Variants in CNTN3 observed in about 807,000 individuals in gnomAD.
CNTN3 encodes contactin 3, also known as contactin-3.
CNTN3 carries 60 observed loss-of-function variants against 119.1 expected under a neutral mutation model. The ratio of observed to expected loss-of-function variants is 0.50; its 90% CI spans 0.41 to 0.62. CNTN3 has a LOEUF of 0.62. Among genes scored for constraint, CNTN3 ranks in the 20% least tolerant of loss-of-function variants. The pLI, the probability that CNTN3 is intolerant of heterozygous loss-of-function variation, is 0.00. For missense variants in CNTN3, 1,101 were observed against 1,242.4 expected (o/e 0.89, Z 1.71); for synonymous variants, 450 against 438.7 (o/e 1.03, Z -0.32).
chr3:74,512,692 C>CAACAAAAAAA (rs1703387965), intron 2 of CNTN3, among the ~76,000 whole-genome samples: 1 of 85,260 alleles, frequency 1.2e-5, no homozygotes, highest in Non-Finnish European at 2.1e-5. Context: ...CATAATCAAG[C>CAACAAAAAAA]AAAAAAAAAA....
At position 74,499,844 on chromosome 3, in the gene CNTN3, A is replaced by G. The variant is rs935533968; in HGVS notation, c.56-59T>C. On this transcript the variant is annotated intron_variant, in intron 2 of 22. Coordinates refer to ENST00000263665, the MANE Select transcript of CNTN3 (RefSeq NM_020872.3). ...TCAGTAAAAGGCATTGTAAAAAGTT[A>G]CATTCCAGTATTGAAGAAAACAAGG... The G allele has an allele frequency of 7.3e-6, 11 of 1,507,832 alleles. 1 individual carries two copies. In the African/African-American group the frequency reaches 1.5e-4, roughly 21 times the overall value. 93.4% of individuals were successfully genotyped at this position (1,507,832 alleles called of 1,614,324 possible).
At chr3:74,342,541 C>T (rs982809562) in intron 11 of CNTN3, among the ~76,000 whole-genome samples, 19 of 152,100 alleles carry the variant, frequency 1.2e-4, no homozygotes, top group African/African-American at 4.6e-4. Context: ...ATGGAACAGA[C>T]ACCTAGAGAA....
chr3:74,326,115 G>A (rs1335022244), intron 13 of CNTN3, among the ~76,000 whole-genome samples: 8 of 152,044 alleles, frequency 5.3e-5, no homozygotes, highest in African/African-American at 1.2e-4. Flanking sequence ...ACTATTTCAT[G>A]TTTCTTTCCC....
chr3:74,430,145 T>C (rs953787441), intron 4 of CNTN3, among the ~76,000 whole-genome samples: 1 of 152,210 alleles, frequency 6.6e-6, no homozygotes, highest in African/African-American at 2.4e-5. Context: ...TTTGGGCATT[T>C]ATCCTAGAGA....
chr3:74,450,454 C>A (rs558187474), intron 4 of CNTN3, among the ~76,000 whole-genome samples: 1 of 150,788 alleles, frequency 6.6e-6, no homozygotes, highest in Non-Finnish European at 1.5e-5. Context: ...AAAAAGGCTG[C>A]AAACAACCTA....
At chr3:74,609,523 C>G (rs887049136) in intron 1 of CNTN3, among the ~76,000 whole-genome samples, 2 of 152,154 alleles carry the variant, frequency 1.3e-5, no homozygotes, top group South Asian at 4.1e-4. Context: ...AAAGGAAGAA[C>G]AGACCACCTA....
intron 4 of CNTN3, among the ~76,000 whole-genome samples, chr3:74,428,584 A>G (rs1008455943): frequency 1.3e-5 from 2 of 152,246 alleles, no homozygotes; most frequent in Non-Finnish European, 1.5e-5. Flanking sequence ...GCTAAGTGTT[A>G]TTATGGGTCA....
intron 5 of CNTN3, among the ~76,000 whole-genome samples, chr3:74,386,874 A>T (rs1432730308): frequency 2.0e-5 from 3 of 152,194 alleles, no homozygotes; most frequent in Non-Finnish European, 4.4e-5. Flanking sequence ...CTCAGAGGGT[A>T]TCCTGCAAAG....
intron 4 of CNTN3, among the ~76,000 whole-genome samples, chr3:74,425,858 T>C (rs980626129): frequency 1.3e-5 from 2 of 152,148 alleles, no homozygotes; most frequent in African/African-American, 2.4e-5. Flanking sequence ...AGATATATTG[T>C]CACTGAAAAT....
chr3:74,414,203 T>A (rs938934674), intron 5 of CNTN3, among the ~76,000 whole-genome samples: 2 of 152,306 alleles, frequency 1.3e-5, no homozygotes, highest in African/African-American at 4.8e-5. Context: ...AAAGTTTTTT[T>A]AAAATTATCC....
chr3:74,314,794 A>G (rs948703452), intron 13 of CNTN3, among the ~76,000 whole-genome samples: 1 of 152,204 alleles, frequency 6.6e-6, no homozygotes, highest in Non-Finnish European at 1.5e-5. Context: ...CCTTCAATCA[A>G]TTGTATATAA....
At chr3:74,339,481 T>C (rs1435588104) in intron 11 of CNTN3, among the ~76,000 whole-genome samples, 1 of 152,188 alleles carries the variant, frequency 6.6e-6, no homozygotes, top group Non-Finnish European at 1.5e-5. Context: ...CTTTACTTAC[T>C]TTCCTGAAAC....
rs117988206 is a variant in CNTN3, at chr3:74,607,466, T to C, written c.-81+6925A>G. 9.8e-5 allele frequency among the ~76,000 whole-genome samples: 15 copies of C among 152,332 alleles called. No homozygotes were observed. In the East Asian group the frequency reaches 2.3e-3, roughly 24 times the overall value. On this transcript the variant is annotated intron_variant, in intron 1 of 22. Coordinates refer to ENST00000263665, the MANE Select transcript of CNTN3 (RefSeq NM_020872.3). ...AACTGCGATTGAGTTAGAACCTGCATGAAGCATTCAGTTGGGGCCCTGCCC... is the reference window on the plus strand; with the variant it reads ...AACTGCGATTGAGTTAGAACCTGCACGAAGCATTCAGTTGGGGCCCTGCCC...
intron 16 of CNTN3, among the ~76,000 whole-genome samples, chr3:74,300,160 A>G (rs1180029819): frequency 6.6e-6 from 1 of 152,190 alleles, no homozygotes; most frequent in East Asian, 1.9e-4. Context: ...AAAAATTCAA[A>G]ATCTCTCAAA....
rs929761092 is a variant in CNTN3, at chr3:74,351,409, A to C, written c.1364+10481T>G. On this transcript the variant is annotated intron_variant, in intron 11 of 22. Transcript: ENST00000263665. ...CCCACGAGGCTGACTAACTCTGTTT[A>C]AGGATTCCTGGCCTCATTTTCCAGT... 3.3e-5 allele frequency among the ~76,000 whole-genome samples: 5 copies of C among 152,198 alleles called. No individual in the cohort carries two copies. In the East Asian group the frequency reaches 9.6e-4, roughly 29 times the overall value.
At chr3:74,341,774 A>G (rs1466419226) in intron 11 of CNTN3, among the ~76,000 whole-genome samples, 1 of 152,168 alleles carries the variant, frequency 6.6e-6, no homozygotes, top group African/African-American at 2.4e-5. Flanking sequence ...TTATGATGAC[A>G]TTTAAGCATC....
At chr3:74,578,676 A>G (rs1704455231) in intron 1 of CNTN3, among the ~76,000 whole-genome samples, 1 of 152,060 alleles carries the variant, frequency 6.6e-6, no homozygotes, top group African/African-American at 2.4e-5. Context: ...GAAAGGGTAA[A>G]AATTCACAAA....
chr3:74,336,502 G>A (rs1275265508), intron 12 of CNTN3, 29 bp downstream of exon 12: 1 of 1,607,690 alleles, frequency 6.2e-7, no homozygotes. Flanking sequence ...GAATCCGTAT[G>A]TAAAGCAATA....
intron 5 of CNTN3, among the ~76,000 whole-genome samples, chr3:74,419,394 T>C (rs1367118718): frequency 1.4e-5 from 1 of 70,856 alleles, no homozygotes; most frequent in Non-Finnish European, 3.1e-5. Flanking sequence ...CCATCTTGGG[T>C]AAAGAAAAAA....
Sources: allele counts gnomAD v4.1 joint callset (sites outside exome capture counted in the v4.1 genomes callset), GRCh38; gene constraint gnomAD v4.1.1; transcripts MANE v1.5; gene names NCBI Gene and HGNC (gene_info 2026-07-23, HGNC 2026-07-21).